NAALADL2: variants seen among roughly 807,000 people sequenced by gnomAD.
The protein encoded by NAALADL2 is inactive N-acetylated-alpha-linked acidic dipeptidase-like protein 2.
Under a neutral mutation model 87.2 loss-of-function variants are expected in NAALADL2, and 76 were observed. The ratio of observed to expected loss-of-function variants is 0.87; its 90% CI spans 0.72 to 1.05. The LOEUF (loss-of-function observed/expected upper bound fraction) is 1.05, where lower values mean the gene tolerates loss of function less well. NAALADL2 is among the 50% of genes least tolerant of loss of function. The pLI, the probability that NAALADL2 is intolerant of heterozygous loss-of-function variation, is 0.00. For synonymous variants in NAALADL2, 354 were observed against 331.0 expected (o/e 1.07, Z -0.75); for missense variants, 1,089 against 945.8 (o/e 1.15, Z -1.99).
chr3:175,085,253 G>A (rs188318651), intron 1 of NAALADL2, among the ~76,000 whole-genome samples: 19 of 152,172 alleles, frequency 1.2e-4, no homozygotes, highest in African/African-American at 2.2e-4. Context: ...TCATGGTGTC[G>A]TTCTGATGTT....
chr3:174,683,602 A>C (rs929836311), intron 2 of NAALADL2, among the ~76,000 whole-genome samples: 4 of 150,664 alleles, frequency 2.7e-5, no homozygotes, highest in African/African-American at 9.8e-5. Flanking sequence ...TTTTAGGTAG[A>C]TAGAGTAAGA....
chr3:174,680,474 CTT>C (rs1727434809), intron 2 of NAALADL2, among the ~76,000 whole-genome samples: 2 of 152,092 alleles, frequency 1.3e-5, no homozygotes, highest in Admixed American at 6.6e-5. Flanking sequence ...CTTTAAGTAT[CTT>C]TGTTTTTTCT....
intron 1 of NAALADL2, among the ~76,000 whole-genome samples, chr3:174,538,317 G>C (rs939372441): frequency 5.9e-5 from 9 of 152,042 alleles, no homozygotes; most frequent in African/African-American, 2.2e-4. Flanking sequence ...AGCCAGGATG[G>C]GAAGTGGAGG....
chr3:174,477,066 C>T (rs1007554585), intron 1 of NAALADL2, among the ~76,000 whole-genome samples: 6 of 151,752 alleles, frequency 4.0e-5, no homozygotes, highest in African/African-American at 1.2e-4. Flanking sequence ...CATTGCACTC[C>T]AGCCTGGGCA....
At chr3:175,201,816 C>T (rs928890404) in intron 2 of NAALADL2, among the ~76,000 whole-genome samples, 3 of 148,734 alleles carry the variant, frequency 2.0e-5, no homozygotes, top group Admixed American at 2.0e-4. Context: ...AACAAATTTG[C>T]AAAACTATTG....
intron 1 of NAALADL2, among the ~76,000 whole-genome samples, chr3:174,927,029 G>T (rs1398466820): frequency 2.0e-5 from 2 of 99,158 alleles, no homozygotes; most frequent in East Asian, 6.5e-4. Flanking sequence ...AGCAAATGAA[G>T]AAAAAAAAAA....
chr3:174,757,073 T>C (rs1712197387), intron 3 of NAALADL2, among the ~76,000 whole-genome samples: 1 of 152,214 alleles, frequency 6.6e-6, no homozygotes, highest in Non-Finnish European at 1.5e-5. Flanking sequence ...ATATCTGCCT[T>C]TCCTTCTAGA....
chr3:175,078,535 C>T (rs1024031556), intron 1 of NAALADL2, among the ~76,000 whole-genome samples: 24 of 152,278 alleles, frequency 1.6e-4, no homozygotes, highest in Non-Finnish European at 3.5e-4. Flanking sequence ...TAGAACATTT[C>T]ATCGTACCAA....
At chr3:175,343,718 G>C (rs191319468) in intron 5 of NAALADL2, among the ~76,000 whole-genome samples, 190 of 138,228 alleles carry the variant, frequency 1.4e-3, no homozygotes, top group South Asian at 8.5e-3. Flanking sequence ...GTTGGGAAAA[G>C]ATTGATAAAG....
intron 11 of NAALADL2, among the ~76,000 whole-genome samples, chr3:175,715,850 G>C (rs1446755186): frequency 2.6e-5 from 4 of 151,976 alleles, no homozygotes; most frequent in African/African-American, 7.2e-5. Context: ...ACTCCAGCCT[G>C]GGTGACAGAG....
intron 1 of NAALADL2, among the ~76,000 whole-genome samples, chr3:174,959,914 C>G (rs1022312225): frequency 6.6e-6 from 1 of 151,998 alleles, no homozygotes; most frequent in African/African-American, 2.4e-5. Flanking sequence ...TTGTCCTTAT[C>G]TTATATGAAA....
intron 1 of NAALADL2, among the ~76,000 whole-genome samples, chr3:174,874,907 G>A (rs1280780400): frequency 6.6e-6 from 1 of 151,800 alleles, no homozygotes; most frequent in Non-Finnish European, 1.5e-5. Flanking sequence ...CTTGAGCCAA[G>A]GAGGTTGAGA....
In NAALADL2 at chr3:174,804,468, TG is replaced by T. The variant is rs532323207; in HGVS notation, c.-9+66723del. On this transcript the variant is annotated intron_variant, in intron 3 of 3. Transcript: ENST00000434257. The stretch of plus-strand genomic sequence containing the variant: ...TTGAATACCCATTATTTCTTTCTCT[TG>T]CTTGATTGCCCTAGCCAGAACTTCC... Among the ~76,000 whole-genome samples the T allele has an allele frequency of 2.0e-5, 3 of 152,292 alleles. No individual in the cohort carries two copies. The South Asian group carries it at 6.2e-4, about 32-fold the overall frequency.
intron 2 of NAALADL2, among the ~76,000 whole-genome samples, chr3:174,727,185 G>T (rs938789120): frequency 2.7e-5 from 4 of 147,678 alleles, no homozygotes; most frequent in Non-Finnish European, 4.5e-5. Context: ...TGAGAAAAAT[G>T]TTGTTTTCTT....
At chr3:175,171,160 T>C (rs183636842) in intron 2 of NAALADL2, among the ~76,000 whole-genome samples, 1 of 152,016 alleles carries the variant, frequency 6.6e-6, no homozygotes, top group African/African-American at 2.4e-5. Flanking sequence ...CAACTCAGGC[T>C]TATAACTTAG....
At chr3:174,795,070 C>G (rs1717927157) in intron 3 of NAALADL2, among the ~76,000 whole-genome samples, 1 of 145,196 alleles carries the variant, frequency 6.9e-6, no homozygotes, top group Admixed American at 7.2e-5. Context: ...CGGCACACCA[C>G]AACCTCCGCC....
chr3:174,786,616 T>C (rs1319786305), intron 3 of NAALADL2, among the ~76,000 whole-genome samples: 2 of 152,050 alleles, frequency 1.3e-5, no homozygotes, highest in Non-Finnish European at 2.9e-5. Flanking sequence ...GTTTATCTTT[T>C]TTTGTCTAAG....
chr3:174,547,534 G>A (rs1711542577), intron 1 of NAALADL2, among the ~76,000 whole-genome samples: 1 of 151,954 alleles, frequency 6.6e-6, no homozygotes, highest in South Asian at 2.1e-4. Context: ...GCCTAATAAT[G>A]TGAATCCCAA....
intron 5 of NAALADL2, among the ~76,000 whole-genome samples, chr3:175,335,993 T>C (rs1011633743): frequency 6.6e-6 from 1 of 152,124 alleles, no homozygotes; most frequent in East Asian, 1.9e-4. Flanking sequence ...GCTCATTGAG[T>C]AATGAGCAGT....
Sources: gnomAD v4.1 joint callset for allele counts (sites outside exome capture counted in the v4.1 genomes callset) on GRCh38, gnomAD v4.1.1 for gene constraint, MANE v1.5 for transcripts, NCBI Gene and HGNC (gene_info 2026-07-23, HGNC 2026-07-21) for gene names.